ODAD2: variants seen among roughly 807,000 people sequenced by gnomAD.
ODAD2 encodes outer dynein arm docking complex subunit 2, also known as outer dynein arm-docking complex subunit 2.
Under a neutral mutation model 106.8 loss-of-function variants are expected in ODAD2, and 89 were observed. The observed-to-expected ratio is 0.83, with a 90% CI of 0.70 to 0.99. The LOEUF is 0.99. Ranked by LOEUF, ODAD2 falls within the 50% of genes least tolerant of loss-of-function variation. The probability of loss-of-function intolerance (pLI) is 0.00; values close to 1 mark genes in which losing one functional copy is unlikely to be tolerated. For missense variants in ODAD2, 1,168 were observed against 1,238.5 expected, an observed-to-expected ratio of 0.94 and a Z score of 0.85; for synonymous variants, 404 against 436.2, an observed-to-expected ratio of 0.93 and a Z score of 0.92.
chr10:27,906,858 T>C (rs907066356), intron 17 of ODAD2, among the ~76,000 whole-genome samples: 3 of 152,022 alleles, frequency 2.0e-5, no homozygotes, highest in African/African-American at 7.3e-5. Flanking sequence ...CATCGGGGCC[T>C]GTCAGGGGGT....
chr10:27,823,879 G>A lies in ODAD2; in HGVS notation c.3022-11254C>T, dbSNP rs1409301912. Among the ~76,000 whole-genome samples, 8 of 116,454 alleles carry A rather than the reference G, an allele frequency of 6.9e-5. 1 individual carries two copies. The highest frequency in any genetic ancestry group is 2.8e-4 in the Admixed American group (3 of 10,904). The allele number at this position is 116,454 out of a possible 152,430, so 76.4% of individuals were successfully genotyped here. A position where few individuals can be genotyped will look rare whatever the true frequency, so the allele number is the denominator to read the frequency against. The stretch of plus-strand genomic sequence containing the variant: ...GTTCAGGCCGGGCGCGGTGGCTCAC[G>A]CCTGTAATCCCAGCACTTTGGGAGG... On this transcript the variant is annotated intron_variant, in intron 19 of 19. Transcript: ENST00000305242.
At chr10:27,954,440 T>C (rs541762406) in intron 10 of ODAD2, among the ~76,000 whole-genome samples, 2 of 152,350 alleles carry the variant, frequency 1.3e-5, no homozygotes, top group African/African-American at 4.8e-5. Flanking sequence ...GGTATGTGTA[T>C]CATATCATGC....
chr10:27,941,356 A>G (rs1283674375), intron 12 of ODAD2, among the ~76,000 whole-genome samples: 4 of 151,132 alleles, frequency 2.6e-5, no homozygotes, highest in African/African-American at 7.3e-5. Context: ...GTGGTGGTGC[A>G]TGTGTGTAGT....
At chr10:27,939,824 A>G (rs1846258548) in intron 14 of ODAD2, 73 bp downstream of exon 14, 5 of 778,760 alleles carry the variant, frequency 6.4e-6, no homozygotes, top group Non-Finnish European at 7.9e-6. Context: ...ACAGAAGGAA[A>G]CCACATGGTT....
intron 19 of ODAD2, among the ~76,000 whole-genome samples, chr10:27,831,770 C>T (rs1331678835): frequency 6.6e-6 from 1 of 152,250 alleles, no homozygotes; most frequent in Non-Finnish European, 1.5e-5. Flanking sequence ...CCATCATGCT[C>T]ATACTCTGTA....
chr10:27,854,713 G>A (rs139170130), intron 19 of ODAD2, among the ~76,000 whole-genome samples: 26 of 152,138 alleles, frequency 1.7e-4, no homozygotes, highest in Admixed American at 8.5e-4. Flanking sequence ...CCCAGATCGC[G>A]CCACTGAACT....
At chr10:27,930,858 A>T (rs1328257817) in intron 16 of ODAD2, among the ~76,000 whole-genome samples, 1 of 152,164 alleles carries the variant, frequency 6.6e-6, no homozygotes, top group Non-Finnish European at 1.5e-5. Context: ...TCAAACAGTC[A>T]ATCTGGTTTA....
At chr10:27,962,819 G>A (rs199608065) in intron 9 of ODAD2, among the ~76,000 whole-genome samples, 73 of 151,456 alleles carry the variant, frequency 4.8e-4, no homozygotes, top group African/African-American at 1.7e-3. Flanking sequence ...CAAATCCACA[G>A]TGATGTCTCA....
chr10:27,972,087 G>GT (rs1400214231), intron 7 of ODAD2, among the ~76,000 whole-genome samples: 4 of 152,194 alleles, frequency 2.6e-5, no homozygotes, highest in Admixed American at 1.3e-4. Context: ...TAGTAACAAC[G>GT]TTTTGAGGGG....
At chr10:27,866,012 ATTC>A (rs1337807492) in intron 17 of ODAD2, among the ~76,000 whole-genome samples, 23 of 152,366 alleles carry the variant, frequency 1.5e-4, no homozygotes, top group African/African-American at 5.1e-4. Context: ...GTTAATTGCC[ATTC>A]TTTGTAAAAT....
At chr10:27,967,543 A>G (rs1848562489) in intron 9 of ODAD2, among the ~76,000 whole-genome samples, 1 of 151,846 alleles carries the variant, frequency 6.6e-6, no homozygotes. Flanking sequence ...ACCAGCCTGG[A>G]GAAGCAACAC....
intron 17 of ODAD2, among the ~76,000 whole-genome samples, chr10:27,895,562 T>A (rs956032323): frequency 6.6e-6 from 1 of 152,220 alleles, no homozygotes; most frequent in East Asian, 1.9e-4. Context: ...GTGCTGGGAT[T>A]ATAGACATGA....
chr10:27,877,815 A>G (rs1004802157), intron 17 of ODAD2, among the ~76,000 whole-genome samples: 4 of 152,174 alleles, frequency 2.6e-5, no homozygotes, highest in African/African-American at 9.7e-5. Context: ...GATAGTAAAA[A>G]TAACAGGCTA....
At chr10:27,982,141 C>T (rs1351469011) in intron 6 of ODAD2, among the ~76,000 whole-genome samples, 1 of 151,276 alleles carries the variant, frequency 6.6e-6, no homozygotes, top group East Asian at 1.9e-4. Context: ...TCTTCCCTAC[C>T]TCTATTGTTC....
intron 7 of ODAD2, among the ~76,000 whole-genome samples, chr10:27,980,304 TA>T (rs1045567774): frequency 6.6e-6 from 1 of 151,870 alleles, no homozygotes; most frequent in African/African-American, 2.4e-5. Flanking sequence ...AGGTAAAAAA[TA>T]GGTAAGAAAA....
chr10:27,855,089 C>A (rs1416100675), intron 19 of ODAD2, among the ~76,000 whole-genome samples: 1 of 152,026 alleles, frequency 6.6e-6, no homozygotes, highest in Non-Finnish European at 1.5e-5. Flanking sequence ...GTAATAGTTT[C>A]ATGTGTATGT....
chr10:27,847,316 C>CA (rs1218110076), intron 19 of ODAD2, among the ~76,000 whole-genome samples: 1 of 152,138 alleles, frequency 6.6e-6, no homozygotes, highest in Non-Finnish European at 1.5e-5. Context: ...GAACCAAAGA[C>CA]AAAAACCACA....
At chr10:27,854,954 T>A (rs1839556919) in intron 19 of ODAD2, among the ~76,000 whole-genome samples, 1 of 152,182 alleles carries the variant, frequency 6.6e-6, no homozygotes, top group African/African-American at 2.4e-5. Flanking sequence ...TCTTAAGTTC[T>A]AGAAAATGAA....
At chr10:27,815,600 C>G (rs949943742) in intron 19 of ODAD2, among the ~76,000 whole-genome samples, 1 of 152,220 alleles carries the variant, frequency 6.6e-6, no homozygotes, top group African/African-American at 2.4e-5. Flanking sequence ...TCCTCCTTCT[C>G]TGCCACTGGC....
Sources: allele counts gnomAD v4.1 joint callset (sites outside exome capture counted in the v4.1 genomes callset), GRCh38; gene constraint gnomAD v4.1.1; transcripts MANE v1.5; gene names NCBI Gene and HGNC (gene_info 2026-07-23, HGNC 2026-07-21).